Variants in ATP10B observed in about 807,000 individuals in gnomAD.
ATP10B encodes the protein phospholipid-transporting ATPase VB.
ATP10B carries 122 observed loss-of-function variants against 141.2 expected under a neutral mutation model. That is an observed-to-expected ratio of 0.86 (90% CI 0.75 to 1.00). The LOEUF (loss-of-function observed/expected upper bound fraction) is 1.00. Ranked by LOEUF, ATP10B falls within the 50% of genes least tolerant of loss-of-function variation. The pLI, the probability that ATP10B is intolerant of heterozygous loss-of-function variation, is 0.00. For missense variants in ATP10B, 1,876 were observed against 1,825.3 expected, an observed-to-expected ratio of 1.03 and a Z score of -0.51; for synonymous variants, 685 against 692.0, an observed-to-expected ratio of 0.99 and a Z score of 0.16.
intron 7 of ATP10B, among the ~76,000 whole-genome samples, chr5:160,668,226 CAAAAAAA>C (rs34528836): frequency 6.5e-4 from 73 of 112,736 alleles, no homozygotes; most frequent in South Asian, 3.1e-4. Flanking sequence ...CGAGACTGTC[CAAAAAAA>C]AAAAAAAAAA....
intron 1 of ATP10B, among the ~76,000 whole-genome samples, chr5:160,834,151 C>T (rs1005599094): frequency 1.3e-5 from 2 of 151,950 alleles, no homozygotes; most frequent in African/African-American, 4.8e-5. Context: ...AGACAAAATC[C>T]CATCTCTACT....
At chr5:160,672,070 A>T (rs10043433) in intron 6 of ATP10B, among the ~76,000 whole-genome samples, 15 of 147,732 alleles carry the variant, frequency 1.0e-4, no homozygotes, top group African/African-American at 5.1e-5. Context: ...TCTGTCTCCC[A>T]GGGTCAAGTG....
chr5:160,689,317 A>C (rs2127748639), intron 3 of ATP10B, among the ~76,000 whole-genome samples: 1 of 152,368 alleles, frequency 6.6e-6, no homozygotes, highest in African/African-American at 2.4e-5. Context: ...AAACCAGCAC[A>C]AGACAAGGAT....
intron 12 of ATP10B, chr5:160,632,880 GTT>G (rs759806643): frequency 6.6e-6 from 1 of 152,206 alleles, no homozygotes; most frequent in Non-Finnish European, 1.5e-5. Context: ...TCTCTTAAGA[GTT>G]TGTTTTCTTC....
At chr5:160,647,594 G>C (rs548889228) in intron 8 of ATP10B, among the ~76,000 whole-genome samples, 1 of 152,314 alleles carries the variant, frequency 6.6e-6, no homozygotes, top group Non-Finnish European at 1.5e-5. Context: ...CTGTTCTGGG[G>C]AGAAAGGGTC....
At chr5:160,623,228 G>A (rs1758446331) in intron 13 of ATP10B, among the ~76,000 whole-genome samples, 1 of 152,144 alleles carries the variant, frequency 6.6e-6, no homozygotes, top group African/African-American at 2.4e-5. Context: ...ATAACCATGG[G>A]AAGTCCCGCT....
chr5:160,812,550 G>A (rs1461695681), intron 1 of ATP10B, among the ~76,000 whole-genome samples: 1 of 152,114 alleles, frequency 6.6e-6, no homozygotes, highest in Non-Finnish European at 1.5e-5. Flanking sequence ...TTTAAGAAGA[G>A]TTTGAAATAA....
intron 3 of ATP10B, among the ~76,000 whole-genome samples, chr5:160,706,650 T>C (rs1447050735): frequency 6.6e-6 from 1 of 152,150 alleles, no homozygotes; most frequent in African/African-American, 2.4e-5. Flanking sequence ...TAATTTCAGG[T>C]TTACAGAAAA....
intron 5 of ATP10B, chr5:160,687,053 T>A (rs1330408195): frequency 3.0e-6 from 2 of 675,696 alleles, no homozygotes; most frequent in Non-Finnish European, 3.7e-6. Flanking sequence ...CTTCTGTCCA[T>A]CCCTTTTCAC....
At chr5:160,895,078 C>T in the ATP10B span, among the ~76,000 whole-genome samples, 28 of 152,186 alleles carry the variant, frequency 1.8e-4, no homozygotes, top group Admixed American at 9.8e-4. Context: ...AAGTAACAAC[C>T]GGTACCAGCC....
chr5:160,690,449 T>C (rs1163417251), intron 3 of ATP10B, among the ~76,000 whole-genome samples: 4 of 152,164 alleles, frequency 2.6e-5, no homozygotes, highest in Non-Finnish European at 5.9e-5. Context: ...ATTTTTGCAA[T>C]CTATGCATCT....
At chr5:160,589,465 T>C (rs1302041309) in intron 24 of ATP10B, 127 bp downstream of exon 24, 1 of 730,842 alleles carries the variant, frequency 1.4e-6, no homozygotes, top group Admixed American at 2.1e-5. Context: ...AGGTAGGACA[T>C]AGGGTAGGAG....
At chr5:160,856,925 G>A (rs868110873), upstream of ATP10B, among the ~76,000 whole-genome samples, 7 of 151,534 alleles carry the variant, frequency 4.6e-5, no homozygotes, top group African/African-American at 1.5e-4. Flanking sequence ...GACTCCATTT[G>A]GCCATCATGT....
chr5:160,673,749 T>C (rs1762866655), intron 6 of ATP10B, among the ~76,000 whole-genome samples: 1 of 152,138 alleles, frequency 6.6e-6, no homozygotes, highest in Non-Finnish European at 1.5e-5. Flanking sequence ...AAACACCTCG[T>C]GGTCTCTCTG....
intron 2 of ATP10B, among the ~76,000 whole-genome samples, chr5:160,749,628 G>A (rs1188839115): frequency 6.6e-6 from 1 of 152,140 alleles, no homozygotes; most frequent in Non-Finnish European, 1.5e-5. Flanking sequence ...TAGTTGTGGG[G>A]CTGGGTCTCA....
At position 160,569,671 on chromosome 5, in the gene ATP10B, C is replaced by T. The variant is rs748791598; in HGVS notation, c.3763G>A (p.Gly1255Arg). 2.4e-5 allele frequency: 38 copies of T among 1,574,084 alleles called. No homozygotes were observed. In the East Asian group the frequency reaches 2.5e-4, roughly 11 times the overall value. The change falls in exon 25 of 26, where the codon GGA (glycine) becomes AGA (arginine). Residue 1255 changes from glycine (G) to arginine (R), a missense_variant. Coordinates refer to ENST00000327245, the MANE Select transcript of ATP10B (RefSeq NM_025153.3). ...AGGAAGCTGCCGAGGAGCACGACTCCGTGGAAAATGGTCTGTGGAGGGAAA... is the reference window on the plus strand; with the variant it reads ...AGGAAGCTGCCGAGGAGCACGACTCTGTGGAAAATGGTCTGTGGAGGGAAA... ...MEMKTWTIFHGVVLLGSFLMY... is the reference protein window; with the variant it reads ...MEMKTWTIFHRVVLLGSFLMY...
Position 160,620,681 on chromosome 5 carries a change from C to G in ATP10B, c.2082G>C (p.Gly694=). Residue 694 remains glycine, a synonymous_variant, in exon 15 of 26, where the codon GGG becomes GGC. Transcript: ENST00000327245. ...MWDQGDILES[G]SGTSLEEALE... is the part of the protein sequence containing the mutation. ...ATGCCTCCTCCAAGGAAGTGCCTGA[C>G]CCAGACTCCAGGATGTCGCCCTGGT... The G allele has an allele frequency of 6.2e-7, 1 of 1,613,860 alleles. No individual in the cohort carries two copies. The highest frequency in any genetic ancestry group is 8.5e-7 in the Non-Finnish European group (1 of 1,179,800).
chr5:160,918,548 T>A, the ATP10B span, among the ~76,000 whole-genome samples: 18 of 152,194 alleles, frequency 1.2e-4, no homozygotes, highest in African/African-American at 4.3e-4. Context: ...CAGTGATACA[T>A]CATACACATA....
At chr5:160,917,828 C>T in the ATP10B span, among the ~76,000 whole-genome samples, 2 of 152,202 alleles carry the variant, frequency 1.3e-5, no homozygotes, top group African/African-American at 2.4e-5. Flanking sequence ...CCTTTGCTGC[C>T]TCAGCAGTTG....
Sources: gnomAD v4.1 joint callset for allele counts (sites outside exome capture counted in the v4.1 genomes callset) on GRCh38, gnomAD v4.1.1 for gene constraint, MANE v1.5 for transcripts, NCBI Gene and HGNC (gene_info 2026-07-23, HGNC 2026-07-21) for gene names.